The following PRIMA1 variants were observed in gnomAD, a reference collection of about 807,000 sequenced individuals.
PRIMA1 encodes proline-rich membrane anchor 1.
Under a neutral mutation model 17.5 loss-of-function variants are expected in PRIMA1, and 7 were observed. The ratio of observed to expected loss-of-function variants is 0.40; its 90% CI spans 0.23 to 0.75. The LOEUF (loss-of-function observed/expected upper bound fraction) is 0.75, where lower values mean the gene tolerates loss of function less well. PRIMA1 is among the 30% of genes least tolerant of loss of function. The pLI is 0.37. For missense variants in PRIMA1, 200 were observed against 201.8 expected, an observed-to-expected ratio of 0.99 and a Z score of 0.05; for synonymous variants, 97 against 77.9, an observed-to-expected ratio of 1.25 and a Z score of -1.29.
intron 3 of PRIMA1, among the ~76,000 whole-genome samples, chr14:93,747,892 GTA>G (rs1402101846): frequency 2.2e-5 from 3 of 134,406 alleles, no homozygotes; most frequent in Non-Finnish European, 4.8e-5. Flanking sequence ...GAGAGTGTGT[GTA>G]TGAGTGTGTA....
chr14:93,750,527 C>G (rs1011525652), intron 3 of PRIMA1, among the ~76,000 whole-genome samples: 11 of 152,218 alleles, frequency 7.2e-5, no homozygotes, highest in African/African-American at 2.7e-4. Flanking sequence ...TGACACTGAT[C>G]TGAAGGCCAA....
At chr14:93,737,192 G>A in intron 4 of PRIMA1, 49 bp downstream of exon 4, 1 of 1,604,010 alleles carries the variant, frequency 6.2e-7, no homozygotes. Context: ...CCCAAGCCCA[G>A]CTGGGGTTCC....
rs2076157476 is a variant in PRIMA1 at position 93,737,468 on chromosome 14, G to A, written c.230-98C>T. 4 of 1,434,312 alleles carry A rather than the reference G, an allele frequency of 2.8e-6. No homozygotes were observed. The South Asian group carries it at 5.2e-5, about 19-fold the overall frequency. The allele number at this position is 1,434,312 out of a possible 1,614,324, so 88.8% of individuals were successfully genotyped here. ...CATGGGTGACACCAACAGAGGCGTG[G>A]GGAGGTCACTGGTGGGACCATCATG... On this transcript the variant is annotated intron_variant, in intron 3 of 4. Transcript: ENST00000393140.
At chr14:93,775,499 CT>C (rs1420376178) in intron 3 of PRIMA1, among the ~76,000 whole-genome samples, 1 of 152,056 alleles carries the variant, frequency 6.6e-6, no homozygotes, top group Non-Finnish European at 1.5e-5. Context: ...TTGTTTTTTG[CT>C]GTTGTTGTTG....
intron 4 of PRIMA1, among the ~76,000 whole-genome samples, chr14:93,734,629 A>G (rs2076136581): frequency 1.3e-5 from 2 of 152,042 alleles, no homozygotes; most frequent in Admixed American, 6.5e-5. Flanking sequence ...CCGCTGGAAG[A>G]AGCCCCATCC....
chr14:93,770,581 T>G (rs1885030417), intron 3 of PRIMA1, among the ~76,000 whole-genome samples: 1 of 152,216 alleles, frequency 6.6e-6, no homozygotes, highest in Non-Finnish European at 1.5e-5. Flanking sequence ...AAATGGCATC[T>G]CAGGTCCACA....
At chr14:93,738,408 G>T (rs921930602) in intron 3 of PRIMA1, among the ~76,000 whole-genome samples, 6 of 152,190 alleles carry the variant, frequency 3.9e-5, no homozygotes, top group African/African-American at 1.4e-4. Context: ...GGAAGGAAGT[G>T]AGAGGGAAAA....
chr14:93,784,947 G>A (rs975745737), intron 2 of PRIMA1, among the ~76,000 whole-genome samples: 5 of 152,168 alleles, frequency 3.3e-5, no homozygotes, highest in African/African-American at 1.2e-4. Context: ...CATCAAAGCT[G>A]CAGAGACTGA....
In PRIMA1 at chr14:93,729,543, G is replaced by A. The variant is rs182874109; in HGVS notation, c.359+7698C>T. On this transcript the variant is annotated intron_variant, in intron 4 of 4. Coordinates refer to ENST00000393140, the MANE Select transcript of PRIMA1 (RefSeq NM_178013.4). ...AGTTTGTGGTGAGTTGAGGGTGGAT[G>A]GAGCAGTTCCACTCCTGTCCTGATT... Among the ~76,000 whole-genome samples, 16 of 152,322 alleles carry A rather than the reference G, an allele frequency of 1.1e-4. 1 individual carries two copies. The highest frequency in any genetic ancestry group is 1.0e-3 in the Admixed American group (16 of 15,310).
chr14:93,722,800 G>GT (rs1215300820), intron 4 of PRIMA1, among the ~76,000 whole-genome samples: 1 of 152,140 alleles, frequency 6.6e-6, no homozygotes, highest in Non-Finnish European at 1.5e-5. Flanking sequence ...AATGAAGATG[G>GT]GGTGGCGATG....
chr14:93,737,571 C>T (rs8005268), intron 3 of PRIMA1, among the ~76,000 whole-genome samples: 86,976 of 143,604 alleles, frequency 0.61, 27,516 homozygotes, highest in Middle Eastern at 0.73. Context: ...GGGGAGGTCA[C>T]TGGTGGGACC....
intron 3 of PRIMA1, among the ~76,000 whole-genome samples, chr14:93,738,006 C>G (rs1000186389): frequency 1.3e-5 from 2 of 152,178 alleles, no homozygotes; most frequent in Admixed American, 1.3e-4. Context: ...AAAGGGAGGA[C>G]TGCCAATGTC....
At chr14:93,773,850 T>G (rs532501648) in intron 3 of PRIMA1, among the ~76,000 whole-genome samples, 1 of 152,126 alleles carries the variant, frequency 6.6e-6, no homozygotes, top group African/African-American at 2.4e-5. Context: ...TCCCAGCACT[T>G]TGGGAGGCTG....
intron 3 of PRIMA1, among the ~76,000 whole-genome samples, chr14:93,739,981 G>A (rs1416474083): frequency 2.0e-5 from 3 of 151,900 alleles, no homozygotes; most frequent in Non-Finnish European, 4.4e-5. Context: ...CAGAAGAATC[G>A]CTTGAACCGG....
intron 2 of PRIMA1, among the ~76,000 whole-genome samples, chr14:93,780,712 A>T (rs1358465913): frequency 6.6e-6 from 1 of 152,216 alleles, no homozygotes; most frequent in Non-Finnish European, 1.5e-5. Flanking sequence ...TAAACTTCTT[A>T]TGCAGAGCCA....
At chr14:93,774,134 A>C (rs1885142589) in intron 3 of PRIMA1, among the ~76,000 whole-genome samples, 1 of 152,096 alleles carries the variant, frequency 6.6e-6, no homozygotes, top group Non-Finnish European at 1.5e-5. Context: ...GAACAAAACA[A>C]ACACCCCCAA....
At position 93,780,018 on chromosome 14, in the gene PRIMA1, G is replaced by A. The variant is rs912823971; in HGVS notation, c.94-707C>T. On this transcript the variant is annotated intron_variant, in intron 2 of 4. Coordinates refer to ENST00000393140, the MANE Select transcript of PRIMA1 (RefSeq NM_178013.4). ...CTCGTGGGATCATGTGGCCTACAAG[G>A]TCTGCAAGGGGCGATCCCTGACAAC... is the stretch of plus-strand genomic sequence containing the variant. 5.9e-5 allele frequency among the ~76,000 whole-genome samples: 9 copies of A among 152,336 alleles called. No individual in the cohort carries two copies. The East Asian group carries it at 1.7e-3, about 29-fold the overall frequency.
intron 3 of PRIMA1, among the ~76,000 whole-genome samples, chr14:93,745,987 G>A (rs958867485): frequency 1.3e-5 from 2 of 152,058 alleles, no homozygotes; most frequent in Admixed American, 6.5e-5. Flanking sequence ...CCCCTCCGCC[G>A]CTGCCCCCAT....
rs191766851 is a variant in PRIMA1 at position 93,723,827 on chromosome 14, G to T, written c.360-2281C>A. Among the ~76,000 whole-genome samples, 6 of 152,286 alleles carry T rather than the reference G, an allele frequency of 3.9e-5. No homozygotes were observed. In the East Asian group the frequency reaches 1.2e-3, roughly 29 times the overall value. ...CCCAAGGACGCTCATCTGGTTTGTGGTGGGGCCTGGACCACCACCCACTAA... is the reference window on the plus strand; with the variant it reads ...CCCAAGGACGCTCATCTGGTTTGTGTTGGGGCCTGGACCACCACCCACTAA... On this transcript the variant is annotated intron_variant, in intron 4 of 4. Coordinates refer to ENST00000393140, the MANE Select transcript of PRIMA1 (RefSeq NM_178013.4).
Sources: allele counts gnomAD v4.1 joint callset (sites outside exome capture counted in the v4.1 genomes callset), GRCh38; gene constraint gnomAD v4.1.1; transcripts MANE v1.5; gene names NCBI Gene and HGNC (gene_info 2026-07-23, HGNC 2026-07-21).